UMAD1: variants seen among roughly 807,000 people sequenced by gnomAD.
UMAD1 encodes UBAP1-MVB12-associated (UMA) domain containing 1.
Under a neutral mutation model 6.1 loss-of-function variants are expected in UMAD1, and 8 were observed. The ratio of observed to expected loss-of-function variants is 1.30; its 90% CI spans 0.76 to 2.35. The LOEUF is 2.35. Among genes scored for constraint, UMAD1 ranks in the 30% most tolerant of loss-of-function variants. UMAD1 has a pLI of 0.00. For synonymous variants in UMAD1, 56 were observed against 31.4 expected (o/e 1.78, Z -2.61); for missense variants, 130 against 78.4 (o/e 1.66, Z -2.49).
rs1783817322 is a variant in UMAD1, at chr7:7,847,107, ATATATATATATATATATATAT to A, written c.157-30173_157-30153del. On this transcript the variant is annotated intron_variant, in intron 3 of 3. Transcript: ENST00000682710. ...CAATGCAAAAAAAAAAAAAAAAAAT[ATATATATATATATATATATAT>A]ATATATATATATATATATATATATA... Among the ~76,000 whole-genome samples, 11 of 4,878 alleles carry A rather than the reference ATATATATATATATATATATAT, an allele frequency of 2.3e-3. 1 individual carries two copies. In the East Asian group the frequency reaches 0.071, roughly 32 times the overall value. 3.2% of individuals were successfully genotyped at this position (4,878 alleles called of 152,430 possible). A position where few individuals can be genotyped will look rare whatever the true frequency, so the allele number is the denominator to read the frequency against.
intron 2 of UMAD1, among the ~76,000 whole-genome samples, chr7:7,686,748 A>G (rs138183377): frequency 5.9e-5 from 9 of 152,226 alleles, no homozygotes; most frequent in Non-Finnish European, 1.2e-4. Flanking sequence ...TTCCCCCTTT[A>G]TCTTTCCATG....
intron 2 of UMAD1, among the ~76,000 whole-genome samples, chr7:7,722,161 A>G: frequency 7.2e-6 from 1 of 139,044 alleles, no homozygotes; most frequent in South Asian, 2.1e-4. Flanking sequence ...CTCTCTCTAT[A>G]TATATATATG....
chr7:7,803,901 T>G (rs1475106316), intron 3 of UMAD1, among the ~76,000 whole-genome samples: 2 of 152,218 alleles, frequency 1.3e-5, no homozygotes, highest in Admixed American at 1.3e-4. Context: ...CACTTAGTTA[T>G]GTGATTCATT....
At chr7:7,810,760 G>A (rs1213407156) in intron 3 of UMAD1, among the ~76,000 whole-genome samples, 1 of 152,176 alleles carries the variant, frequency 6.6e-6, no homozygotes, top group Non-Finnish European at 1.5e-5. Flanking sequence ...GATAGTTTTT[G>A]CAAGAACTAT....
intron 2 of UMAD1, among the ~76,000 whole-genome samples, chr7:7,732,347 G>C (rs920321515): frequency 6.6e-6 from 1 of 151,982 alleles, no homozygotes; most frequent in African/African-American, 2.4e-5. Flanking sequence ...AGGTGAAAAG[G>C]CAAACATTTT....
chr7:7,792,220 C>G (rs1167350246), intron 2 of UMAD1, among the ~76,000 whole-genome samples: 1 of 152,188 alleles, frequency 6.6e-6, no homozygotes, highest in African/African-American at 2.4e-5. Flanking sequence ...TGTACCCTTT[C>G]CTATATTTGT....
At chr7:7,656,911 A>G (rs541694834) in intron 1 of UMAD1, among the ~76,000 whole-genome samples, 1 of 152,352 alleles carries the variant, frequency 6.6e-6, no homozygotes, top group South Asian at 2.1e-4. Context: ...CAATGGTTGA[A>G]CTAATTTACA....
intron 2 of UMAD1, among the ~76,000 whole-genome samples, chr7:7,721,717 TTTG>T: frequency 6.6e-6 from 1 of 152,268 alleles, no homozygotes; most frequent in Admixed American, 6.5e-5. Context: ...CCATGAGGAT[TTTG>T]CTACCTGCCC....
chr7:7,820,691 A>G (rs1353412048), intron 3 of UMAD1, among the ~76,000 whole-genome samples: 1 of 151,952 alleles, frequency 6.6e-6, no homozygotes, highest in Non-Finnish European at 1.5e-5. Flanking sequence ...AATTTAGTGT[A>G]TTTTGGTACT....
At chr7:7,837,977 C>T (rs1443166294) in intron 3 of UMAD1, among the ~76,000 whole-genome samples, 2 of 151,958 alleles carry the variant, frequency 1.3e-5, no homozygotes, top group Non-Finnish European at 2.9e-5. Context: ...TTCATTTCAC[C>T]AGGAAAATAT....
chr7:7,741,408 G>A (rs4725020), intron 2 of UMAD1, among the ~76,000 whole-genome samples: 45,511 of 151,324 alleles, frequency 0.3, 7,848 homozygotes, highest in African/African-American at 0.49. Flanking sequence ...CATCTCTACT[G>A]AAAATACAAA....
At chr7:7,793,431 G>A (rs912690644) in intron 2 of UMAD1, among the ~76,000 whole-genome samples, 2 of 152,114 alleles carry the variant, frequency 1.3e-5, no homozygotes, top group Non-Finnish European at 1.5e-5. Context: ...ACTTCACTTG[G>A]TGAATGACTA....
chr7:7,831,394 A>C (rs776536862), intron 3 of UMAD1, among the ~76,000 whole-genome samples: 27 of 152,212 alleles, frequency 1.8e-4, no homozygotes, highest in Non-Finnish European at 2.1e-4. Flanking sequence ...AAATCAAACT[A>C]AGGAACAAAG....
intron 2 of UMAD1, among the ~76,000 whole-genome samples, chr7:7,757,432 C>A (rs956533633): frequency 3.3e-5 from 5 of 152,112 alleles, no homozygotes; most frequent in African/African-American, 1.2e-4. Flanking sequence ...GAACGTAGTA[C>A]AGGTGTTTTT....
chr7:7,858,201 C>G (rs1431220626), intron 3 of UMAD1, among the ~76,000 whole-genome samples: 1 of 152,164 alleles, frequency 6.6e-6, no homozygotes, highest in African/African-American at 2.4e-5. Context: ...GAAATAGGCA[C>G]ACTATCGGAA....
Position 7,856,675 on chromosome 7 carries a change from G to T in UMAD1, c.157-20606G>T, listed in dbSNP as rs1784024853. On this transcript the variant is annotated intron_variant, in intron 3 of 3. Coordinates refer to ENST00000682710, the MANE Select transcript of UMAD1 (RefSeq NM_001302348.2). ...CCTATTGAGTTGACCGTATGAGATG[G>T]TCATGTGGTTTTAATTTTTTATTCT... Among the ~76,000 whole-genome samples, 3 of 152,112 alleles carry T rather than the reference G, an allele frequency of 2.0e-5. No individual in the cohort carries two copies. The South Asian group carries it at 6.2e-4, about 32-fold the overall frequency.
At chr7:7,865,627 G>A (rs1311807127) in intron 3 of UMAD1, among the ~76,000 whole-genome samples, 1 of 152,194 alleles carries the variant, frequency 6.6e-6, no homozygotes, top group African/African-American at 2.4e-5. Flanking sequence ...CTCCTTTGCA[G>A]CTCTCATCTC....
intron 1 of UMAD1, among the ~76,000 whole-genome samples, chr7:7,652,469 G>C (rs1454377692): frequency 1.1e-4 from 16 of 152,228 alleles, no homozygotes. Context: ...TCATTAGACA[G>C]CTAGCAATAT....
rs558336659 is a variant in UMAD1 at position 7,831,030 on chromosome 7, G to A, written c.156+29287G>A. On this transcript the variant is annotated intron_variant, in intron 3 of 3. Coordinates refer to ENST00000682710, the MANE Select transcript of UMAD1 (RefSeq NM_001302348.2). ...TTGTATTTCTCTGATTCTTAAAGAA[G>A]ATAATATTACAACAAATACTAATGA... 2.2e-4 allele frequency among the ~76,000 whole-genome samples: 34 copies of A among 152,134 alleles called. No individual in the cohort carries two copies. In the South Asian group the frequency reaches 5.8e-3, roughly 26 times the overall value.
Sources: gnomAD v4.1 joint callset for allele counts (sites outside exome capture counted in the v4.1 genomes callset) on GRCh38, gnomAD v4.1.1 for gene constraint, MANE v1.5 for transcripts, NCBI Gene and HGNC (gene_info 2026-07-23, HGNC 2026-07-21) for gene names.